Variants in TMEM108 observed in about 807,000 individuals in gnomAD.
The protein encoded by TMEM108 is transmembrane protein 108.
In TMEM108, 12 loss-of-function variants were observed where a neutral mutation model predicts 35.1. The observed-to-expected ratio is 0.34, with a 90% CI of 0.22 to 0.55. The LOEUF (loss-of-function observed/expected upper bound fraction) is 0.55. Among genes scored for constraint, TMEM108 ranks in the 20% least tolerant of loss-of-function variants. The pLI, the probability that TMEM108 is intolerant of heterozygous loss-of-function variation, is 0.89. For synonymous variants in TMEM108, 287 were observed against 308.6 expected (o/e 0.93, Z 0.73); for missense variants, 680 against 753.3 (o/e 0.90, Z 1.14).
chr3:133,136,558 G>C, intron 2 of TMEM108, among the ~76,000 whole-genome samples: 1 of 152,126 alleles, frequency 6.6e-6, no homozygotes, highest in East Asian at 1.9e-4. Flanking sequence ...AATTGCAGTG[G>C]GCACTACTGA....
At chr3:133,073,065 A>G (rs1188028582) in intron 2 of TMEM108, among the ~76,000 whole-genome samples, 1 of 152,174 alleles carries the variant, frequency 6.6e-6, no homozygotes, top group Non-Finnish European at 1.5e-5. Context: ...AAATATGTAT[A>G]CATTGTGGAA....
At chr3:133,163,870 AG>A (rs1463995749) in intron 2 of TMEM108, among the ~76,000 whole-genome samples, 1 of 152,122 alleles carries the variant, frequency 6.6e-6, no homozygotes, top group Non-Finnish European at 1.5e-5. Flanking sequence ...AGTTTCCCAC[AG>A]CTTAGGCTGC....
At chr3:133,108,085 G>C (rs566768922) in intron 2 of TMEM108, among the ~76,000 whole-genome samples, 2 of 152,216 alleles carry the variant, frequency 1.3e-5, no homozygotes, top group African/African-American at 4.8e-5. Flanking sequence ...ACAAAAGTTA[G>C]CCAGGCATGA....
chr3:133,183,831 G>C (rs945681229), intron 2 of TMEM108, among the ~76,000 whole-genome samples: 1 of 152,198 alleles, frequency 6.6e-6, no homozygotes, highest in Non-Finnish European at 1.5e-5. Context: ...GCCGAATGGT[G>C]CTGTGGAACA....
intron 2 of TMEM108, among the ~76,000 whole-genome samples, chr3:133,115,890 A>G (rs919412542): frequency 3.3e-5 from 5 of 152,280 alleles, no homozygotes; most frequent in Admixed American, 2.0e-4. Context: ...GGATAGAATC[A>G]TTGCCATCTG....
intron 3 of TMEM108, among the ~76,000 whole-genome samples, chr3:133,249,154 G>A (rs1048757547): frequency 2.0e-5 from 3 of 152,162 alleles, no homozygotes; most frequent in Non-Finnish European, 4.4e-5. Flanking sequence ...CACAATTTGC[G>A]TCAAGTCTGA....
chr3:133,099,416 C>T (rs900177099), intron 2 of TMEM108, among the ~76,000 whole-genome samples: 2 of 152,204 alleles, frequency 1.3e-5, no homozygotes, highest in East Asian at 3.8e-4. Context: ...ACATTTTCCC[C>T]GTGGTCTTGG....
chr3:133,390,439 C>T, intron 5 of TMEM108, 105 bp downstream of exon 5: 1 of 1,262,380 alleles, frequency 7.9e-7, no homozygotes. Flanking sequence ...ACGTATGGCC[C>T]ATGGACCAGC....
At chr3:133,260,270 G>GTCTA (rs1946605914) in intron 3 of TMEM108, among the ~76,000 whole-genome samples, 1 of 136,010 alleles carries the variant, frequency 7.4e-6, no homozygotes, top group Non-Finnish European at 1.6e-5. Context: ...AGACTAGTTA[G>GTCTA]GGAATCTAGA....
intron 3 of TMEM108, among the ~76,000 whole-genome samples, chr3:133,296,202 C>T (rs992240232): frequency 6.6e-6 from 1 of 151,932 alleles, no homozygotes; most frequent in African/African-American, 2.4e-5. Flanking sequence ...AAGAATTTTC[C>T]TATATATCAA....
At chr3:133,115,614 C>G (rs775046815) in intron 2 of TMEM108, among the ~76,000 whole-genome samples, 23 of 152,234 alleles carry the variant, frequency 1.5e-4, no homozygotes, top group Non-Finnish European at 2.8e-4. Context: ...AGCCATGCCT[C>G]TCTCACTGAT....
In TMEM108 at chr3:133,380,562, C is replaced by G. The variant is rs1292004650; in HGVS notation, c.851C>G (p.Ala284Gly). 2 of 1,613,594 alleles carry G rather than the reference C, an allele frequency of 1.2e-6. No homozygotes were observed. The highest frequency in any genetic ancestry group is 1.7e-6 in the Non-Finnish European group (2 of 1,179,820). ...GACAAGCCAGGCCTTCGCAGAGCAG[C>G]CCAGGGGGGTGGTTCTACCTTCACC... is the stretch of plus-strand genomic sequence containing the variant. ...AKDKPGLRRA[A>G]QGGGSTFTSQ... The change falls in exon 4 of 6, where the codon GCC (alanine) becomes GGC (glycine). Residue 284 changes from alanine to glycine, a missense_variant. Physicochemically the swap from Ala to Gly is moderately conservative, Grantham distance 60. Transcript: ENST00000321871. The surrounding 1 kb of genome is among the most constrained non-coding windows in gnomAD (Gnocchi z 5.3).
intron 2 of TMEM108, among the ~76,000 whole-genome samples, chr3:133,204,329 T>G (rs1945718624): frequency 6.6e-6 from 1 of 152,172 alleles, no homozygotes; most frequent in Non-Finnish European, 1.5e-5. Context: ...TAGTTATTTC[T>G]TGTCTTCTGC....
At chr3:133,305,680 T>G (rs2071024358) in intron 3 of TMEM108, among the ~76,000 whole-genome samples, 1 of 152,108 alleles carries the variant, frequency 6.6e-6, no homozygotes, top group Non-Finnish European at 1.5e-5. Context: ...TTTTCCAAAG[T>G]GGCTGTACCA....
At chr3:133,395,389 G>A (rs2073290891) in intron 5 of TMEM108, among the ~76,000 whole-genome samples, 1 of 152,200 alleles carries the variant, frequency 6.6e-6, no homozygotes, top group Non-Finnish European at 1.5e-5. Flanking sequence ...ACAGGCGAGT[G>A]AGTCTAGGTG....
chr3:133,205,932 C>T (rs1022629675), intron 2 of TMEM108, among the ~76,000 whole-genome samples: 7 of 152,228 alleles, frequency 4.6e-5, no homozygotes, highest in Admixed American at 3.3e-4. Context: ...CTTTCAGGTA[C>T]ACCAATCAAA....
At position 133,270,864 on chromosome 3, in the gene TMEM108, C is replaced by T. The variant is rs181558502; in HGVS notation, c.40+41513C>T. Among the ~76,000 whole-genome samples, 423 of 151,920 alleles carry T rather than the reference C, an allele frequency of 2.8e-3. 2 individuals carry two copies. Among genetic ancestry groups the T allele is most frequent in the African/African-American group, 1.0e-2 (412 of 41,392 alleles). ...ACACACCCCTACCCCTCCAGGCTCACTAAAGCAACATACAGCTCTGTCAGG... is the reference window on the plus strand; with the variant it reads ...ACACACCCCTACCCCTCCAGGCTCATTAAAGCAACATACAGCTCTGTCAGG... On this transcript the variant is annotated intron_variant, in intron 3 of 5. Coordinates refer to ENST00000321871, the MANE Select transcript of TMEM108 (RefSeq NM_023943.4).
intron 2 of TMEM108, chr3:133,192,894 A>C (rs543753308): frequency 6.7e-6 from 1 of 150,118 alleles, no homozygotes; most frequent in East Asian, 1.9e-4. Context: ...GGATTCCTGA[A>C]AAAGAAGTTT....
chr3:133,380,454 C>T lies in TMEM108; in HGVS notation c.743C>T (p.Pro248Leu), dbSNP rs1372153631. Residue 248 changes from proline to leucine, a missense_variant, in exon 4 of 6, where the codon CCA (proline) becomes CTA (leucine). Around this residue, in one of 3 missense-constraint regions of TMEM108, gnomAD observed 526 missense variants for 532.1 expected, o/e 0.99. Coordinates refer to ENST00000321871, the MANE Select transcript of TMEM108 (RefSeq NM_023943.4). The surrounding 1 kb of genome is among the most constrained non-coding windows in gnomAD (Gnocchi z 5.3). ...RTPLWGYSSS[P>L]QPQTVAATTV... ...CCACTCTGGGGCTACTCCTCTTCAC[C>T]ACAGCCCCAGACAGTGGCTGCGACC... The T allele has an allele frequency of 3.7e-6, 6 of 1,613,958 alleles. No homozygotes were observed. The highest frequency in any genetic ancestry group is 1.7e-5 in the Admixed American group (1 of 60,000).
Sources: gnomAD v4.1 joint callset for allele counts (sites outside exome capture counted in the v4.1 genomes callset) on GRCh38, gnomAD v4.1.1 for gene constraint, gnomAD v4.1.1 regional missense constraint, Gnocchi (gnomAD v3.1) non-coding constraint, MANE v1.5 for transcripts, NCBI Gene and HGNC (gene_info 2026-07-23, HGNC 2026-07-21) for gene names.